RBMS3: variants seen among roughly 807,000 people sequenced by gnomAD.
RBMS3 encodes RNA-binding motif, single-stranded-interacting protein 3.
Under a neutral mutation model 66.8 loss-of-function variants are expected in RBMS3, and 27 were observed. The observed-to-expected ratio is 0.40, with a 90% CI of 0.30 to 0.56. The LOEUF is 0.56. Ranked by LOEUF, RBMS3 falls within the 20% of genes least tolerant of loss-of-function variation. RBMS3 has a pLI of 0.40. For synonymous variants in RBMS3, 188 were observed against 183.0 expected (o/e 1.03, Z -0.22); for missense variants, 513 against 549.5 (o/e 0.93, Z 0.66).
At chr3:29,772,409 C>A (rs1184945765) in intron 6 of RBMS3, among the ~76,000 whole-genome samples, 9 of 151,998 alleles carry the variant, frequency 5.9e-5, no homozygotes, top group Admixed American at 4.6e-4. Flanking sequence ...ATTAAATAGT[C>A]TCTGAAAAAC....
chr3:29,990,522 TTTG>T (rs1246026950), intron 13 of RBMS3, among the ~76,000 whole-genome samples: 1 of 151,340 alleles, frequency 6.6e-6, no homozygotes, highest in African/African-American at 2.4e-5. Context: ...AAGGACAAGT[TTTG>T]TTGTTGTTTT....
At chr3:29,685,883 A>G (rs536824291) in intron 4 of RBMS3, among the ~76,000 whole-genome samples, 1 of 152,224 alleles carries the variant, frequency 6.6e-6, no homozygotes, top group Admixed American at 6.5e-5. Flanking sequence ...TGCTGCCACC[A>G]CCATCACTGT....
At chr3:29,299,063 G>A (rs1174975786) in intron 1 of RBMS3, among the ~76,000 whole-genome samples, 1 of 151,872 alleles carries the variant, frequency 6.6e-6, no homozygotes, top group Non-Finnish European at 1.5e-5. Context: ...GACTTAAATT[G>A]AGGAGAAAGG....
intron 1 of RBMS3, among the ~76,000 whole-genome samples, chr3:29,307,893 A>G (rs1575511882): frequency 6.6e-6 from 1 of 151,860 alleles, no homozygotes; most frequent in Non-Finnish European, 1.5e-5. Flanking sequence ...AATAGTATAT[A>G]TTAAATTCAT....
intron 3 of RBMS3, among the ~76,000 whole-genome samples, chr3:29,582,149 TATAGATAGATAGATAGATAG>T (rs3836342): frequency 6.9e-6 from 1 of 144,674 alleles, no homozygotes; most frequent in African/African-American, 2.6e-5. Flanking sequence ...AGAATTCCAT[TATAGATAGATAGATAGATAG>T]ATAGATAGAT....
intron 12 of RBMS3, among the ~76,000 whole-genome samples, chr3:29,954,082 C>T (rs1033077417): frequency 1.3e-5 from 2 of 151,640 alleles, no homozygotes; most frequent in African/African-American, 2.4e-5. Context: ...TATATTTATT[C>T]AATGATGATT....
At chr3:29,616,023 CGTT>C (rs1414674023) in intron 4 of RBMS3, 5 of 152,144 alleles carry the variant, frequency 3.3e-5, no homozygotes, top group African/African-American at 9.7e-5. Flanking sequence ...AGAAGCCACT[CGTT>C]GACGACCATG....
At chr3:29,882,800 C>T (rs1410330248) in intron 7 of RBMS3, among the ~76,000 whole-genome samples, 1 of 151,996 alleles carries the variant, frequency 6.6e-6, no homozygotes, top group East Asian at 1.9e-4. Context: ...AAAACTCAAA[C>T]AGGCAAGGTA....
intron 2 of RBMS3, among the ~76,000 whole-genome samples, chr3:29,447,760 C>G (rs542806140): frequency 2.6e-5 from 4 of 152,130 alleles, no homozygotes; most frequent in African/African-American, 9.7e-5. Flanking sequence ...TGATTTTTTA[C>G]GCTGTACTGA....
Position 30,004,957 on chromosome 3 carries a change from A to AATAG in RBMS3, c.*1101_*1104dup, listed in dbSNP as rs931938563. ...GCAAAAAAAAAAACAAAAAAAAAGC[A>AATAG]ATAGATAGAGAAATTGTTGACAATT... On this transcript the variant is annotated 3_prime_UTR_variant, in exon 15 of 15. Transcript: ENST00000383767. 2 of 151,490 alleles carry AATAG rather than the reference A, an allele frequency of 1.3e-5. No individual in the cohort carries two copies. Among genetic ancestry groups the AATAG allele is most frequent in the African/African-American group, 2.4e-5 (1 of 41,222 alleles). The allele number at this position is 151,490 out of a possible 1,614,324, so 9.4% of individuals were successfully genotyped here.
At chr3:29,672,310 C>A (rs571184516) in intron 4 of RBMS3, among the ~76,000 whole-genome samples, 1 of 152,146 alleles carries the variant, frequency 6.6e-6, no homozygotes, top group African/African-American at 2.4e-5. Context: ...AAGGAATAAC[C>A]GGTACCAGCC....
intron 1 of RBMS3, among the ~76,000 whole-genome samples, chr3:29,432,671 G>A (rs1478706053): frequency 6.6e-6 from 1 of 152,128 alleles, no homozygotes; most frequent in Non-Finnish European, 1.5e-5. Flanking sequence ...ACAGATTACT[G>A]TTAGAGGCAG....
At chr3:29,437,197 T>C (rs1406956760) in intron 2 of RBMS3, among the ~76,000 whole-genome samples, 1 of 152,230 alleles carries the variant, frequency 6.6e-6, no homozygotes, top group Non-Finnish European at 1.5e-5. Context: ...GGAGTATTTA[T>C]AACACAGGAA....
intron 4 of RBMS3, among the ~76,000 whole-genome samples, chr3:29,703,961 A>C (rs2052753727): frequency 6.6e-6 from 1 of 152,148 alleles, no homozygotes. Flanking sequence ...TAGGAGCATG[A>C]ACCCTGTTGT....
chr3:29,954,650 T>G (rs566997770), intron 12 of RBMS3, among the ~76,000 whole-genome samples: 2 of 152,022 alleles, frequency 1.3e-5, no homozygotes, highest in Admixed American at 6.6e-5. Context: ...AGAGGTGTTT[T>G]GGTGCACTCT....
chr3:29,550,640 G>T (rs2046150936), intron 3 of RBMS3, among the ~76,000 whole-genome samples: 1 of 152,024 alleles, frequency 6.6e-6, no homozygotes, highest in Admixed American at 6.6e-5. Context: ...TAATAATTTT[G>T]TATAATAATT....
intron 6 of RBMS3, among the ~76,000 whole-genome samples, chr3:29,796,492 A>T (rs1214319943): frequency 1.3e-5 from 2 of 152,286 alleles, no homozygotes; most frequent in East Asian, 1.9e-4. Flanking sequence ...ATTTTCCAAG[A>T]TCTATCAGAG....
intron 1 of RBMS3, among the ~76,000 whole-genome samples, chr3:29,328,708 G>A (rs796969950): frequency 1.3e-4 from 20 of 152,162 alleles, no homozygotes; most frequent in African/African-American, 4.6e-4. Flanking sequence ...AGGCTTCCCT[G>A]ACCTCCATTG....
At chr3:29,788,110 G>A (rs1056824130) in intron 6 of RBMS3, among the ~76,000 whole-genome samples, 2 of 150,354 alleles carry the variant, frequency 1.3e-5, no homozygotes, top group Non-Finnish European at 2.9e-5. Context: ...AATCCCAAAC[G>A]TATGTTTATA....
Sources: gnomAD v4.1 joint callset for allele counts (sites outside exome capture counted in the v4.1 genomes callset) on GRCh38, gnomAD v4.1.1 for gene constraint, MANE v1.5 for transcripts, NCBI Gene and HGNC (gene_info 2026-07-23, HGNC 2026-07-21) for gene names.